Variants in FBXO38 observed in about 807,000 individuals in gnomAD.
FBXO38 encodes F-box protein 38.
FBXO38 carries 53 observed loss-of-function variants against 131.9 expected under a neutral mutation model. The observed-to-expected ratio is 0.40, with a 90% confidence interval of 0.32 to 0.51. The LOEUF is 0.51. FBXO38 is among the 20% of genes least tolerant of loss of function. The pLI is 0.53. For synonymous variants in FBXO38, 452 were observed against 505.6 expected, an observed-to-expected ratio of 0.89 and a Z score of 1.42; for missense variants, 1,076 against 1,475.6, an observed-to-expected ratio of 0.73 and a Z score of 4.44.
intron 21 of FBXO38, 127 bp downstream of exon 21, chr5:148,441,364 A>G: frequency 2.9e-6 from 2 of 695,084 alleles, no homozygotes; most frequent in Non-Finnish European, 4.9e-6. Context: ...AATAATTTGT[A>G]TTTACTCACT....
Position 148,427,718 on chromosome 5 carries a change from G to A in FBXO38, c.2424G>A (p.Pro808=), listed in dbSNP as rs1333921499. ...STSRACVVNG[P]DGTRSAFSFR... ...GCCGAGCCTGTGTTGTGAATGGCCC[G>A]GATGGTACGAGATCCGCCTTTTCCT... Residue 808 remains proline (P), a synonymous_variant, in exon 15 of 22, where the codon CCG becomes CCA. Transcript: ENST00000340253. 6.8e-6 allele frequency: 11 copies of A among 1,614,014 alleles called. No homozygotes were observed. Among genetic ancestry groups the A allele is most frequent in the African/African-American group, 2.7e-5 (2 of 74,924 alleles).
intron 17 of FBXO38, among the ~76,000 whole-genome samples, chr5:148,437,255 A>G (rs1754394341): frequency 6.6e-6 from 1 of 152,252 alleles, no homozygotes; most frequent in South Asian, 2.1e-4. Context: ...AGTTAATGAC[A>G]GCGGAGATGA....
chr5:148,397,705 G>A (rs548781057), intron 2 of FBXO38: 36 of 152,254 alleles, frequency 2.4e-4, no homozygotes, highest in African/African-American at 8.4e-4. Flanking sequence ...TTTAGAATTA[G>A]CAGTGTTGTT....
intron 18 of FBXO38, among the ~76,000 whole-genome samples, chr5:148,439,167 G>A (rs960359112): frequency 6.6e-6 from 1 of 152,142 alleles, no homozygotes; most frequent in African/African-American, 2.4e-5. Flanking sequence ...ATGGCCGAGT[G>A]AGATTTCATA....
chr5:148,418,277 C>T (rs973543394), intron 12 of FBXO38, among the ~76,000 whole-genome samples: 1 of 152,136 alleles, frequency 6.6e-6, no homozygotes, highest in African/African-American at 2.4e-5. Context: ...TTTCTCCTAC[C>T]TCATTTTCCT....
At chr5:148,420,705 T>C (rs1481733401) in intron 12 of FBXO38, among the ~76,000 whole-genome samples, 2 of 152,208 alleles carry the variant, frequency 1.3e-5, no homozygotes, top group Non-Finnish European at 2.9e-5. Flanking sequence ...GCAGCTTTAT[T>C]TATGGCAGTG....
At chr5:148,413,342 GT>G (rs5872079) in intron 9 of FBXO38, 9 of 149,128 alleles carry the variant, frequency 6.0e-5, no homozygotes, top group African/African-American at 1.5e-4. Context: ...GAGTGGCAGT[GT>G]TTTTTTTTTG....
At position 148,424,025 on chromosome 5, in the gene FBXO38, A is replaced by G. The variant is rs1212434953; in HGVS notation, c.1646A>G (p.Gln549Arg). The change falls in exon 13 of 22, where the codon CAA becomes CGA. Residue 549 changes from glutamine to arginine, a missense_variant. By Grantham distance (43) the Gln-to-Arg change is conservative. This residue lies in a region of FBXO38 where 212 missense variants were observed against 221.2 expected (regional missense o/e 0.96). Transcript: ENST00000340253. ...TTAAATGAGATGGAAGACATCGTCC[A>G]AGAAGATGGAGAGGTGGTGGCCGAG... ...DALNEMEDIV[Q>R]EDGEVVAESG... 6.2e-7 allele frequency: 1 copy of G among 1,613,414 alleles called. No individual in the cohort carries two copies. The highest frequency in any genetic ancestry group is 8.5e-7 in the Non-Finnish European group (1 of 1,179,604).
chr5:148,404,767 A>G lies in FBXO38; in HGVS notation c.675A>G (p.Pro225=). ...MKWVRLTKPQ[P]FKDFLCISLR... ...GGGTAAGACTCACTAAACCACAGCC[A>G]TTTAAAGACTTCCTTTGTATCAGCT... Residue 225 remains proline (P), a synonymous_variant, in exon 6 of 22, where the codon CCA becomes CCG. Transcript: ENST00000340253. The G allele has an allele frequency of 1.9e-6, 3 of 1,608,508 alleles. No individual in the cohort carries two copies. In the East Asian group the frequency reaches 6.8e-5, roughly 36 times the overall value.
At chr5:148,395,470 C>A (rs1257013971) in intron 2 of FBXO38, among the ~76,000 whole-genome samples, 1 of 107,192 alleles carries the variant, frequency 9.3e-6, no homozygotes, top group Non-Finnish European at 1.7e-5. Context: ...ATTATAACAA[C>A]TGTTTTTTTT....
At chr5:148,417,274 C>T (rs933427923) in intron 12 of FBXO38, 70 bp downstream of exon 12, 5 of 1,127,886 alleles carry the variant, frequency 4.4e-6, no homozygotes, top group Non-Finnish European at 5.3e-6. Flanking sequence ...TGGCTTTATC[C>T]TGTTCCCTTT....
rs1014626159 is a variant in FBXO38, at chr5:148,426,060, A to G, written c.1918+359A>G. Among the ~76,000 whole-genome samples the G allele has an allele frequency of 9.2e-5, 14 of 152,296 alleles. No individual in the cohort carries two copies. In the East Asian group the frequency reaches 2.1e-3, roughly 23 times the overall value. ...AAAAGCAACCATTCCCCAGTTGATA[A>G]TCTGTCCAGTTGTGCTTAATGAATA... On this transcript the variant is annotated intron_variant, in intron 14 of 21. Transcript: ENST00000340253.
chr5:148,406,688 GA>G (rs1161647808), intron 7 of FBXO38, among the ~76,000 whole-genome samples: 1 of 152,044 alleles, frequency 6.6e-6, no homozygotes, highest in Non-Finnish European at 1.5e-5. Context: ...ATCTTTCTTA[GA>G]AATGTTAACA....
chr5:148,419,072 C>G (rs1753244383), intron 12 of FBXO38, among the ~76,000 whole-genome samples: 1 of 152,126 alleles, frequency 6.6e-6, no homozygotes, highest in East Asian at 1.9e-4. Flanking sequence ...CAGCAGTTAC[C>G]TAGGACTGTT....
At chr5:148,392,072 A>G (rs1291223307) in intron 1 of FBXO38, among the ~76,000 whole-genome samples, 1 of 152,200 alleles carries the variant, frequency 6.6e-6, no homozygotes, top group Non-Finnish European at 1.5e-5. Flanking sequence ...AACTGGCTTC[A>G]GTATAGAGTA....
rs201515515 is a variant in FBXO38 at position 148,427,746 on chromosome 5, A to G, written c.2452A>G (p.Arg818Gly). The G allele has an allele frequency of 7.4e-6, 12 of 1,613,438 alleles. No individual in the cohort carries two copies. The Admixed American group carries it at 1.8e-4, about 25-fold the overall frequency. ...TGGTACGAGATCCGCCTTTTCCTTT[A>G]GGACTCTGCCACAAGGGGGGTCTTC... ...PDGTRSAFSF[R>G]TLPQGGSSGP... Residue 818 changes from arginine (R) to glycine (G), a missense_variant, in exon 15 of 22, where the codon AGG (arginine) becomes GGG (glycine). By Grantham distance (125) the Arg-to-Gly change is moderately radical. Around this residue, in one of 8 missense-constraint regions of FBXO38, gnomAD observed 213 missense variants for 225.2 expected, o/e 0.95. Coordinates refer to ENST00000340253, the MANE Select transcript of FBXO38 (RefSeq NM_205836.3).
At chr5:148,424,618 T>C (rs1380016705) in intron 13 of FBXO38, among the ~76,000 whole-genome samples, 1 of 152,154 alleles carries the variant, frequency 6.6e-6, no homozygotes, top group Non-Finnish European at 1.5e-5. Flanking sequence ...GGGAAATTAA[T>C]TTTCTTTCAA....
In FBXO38 at chr5:148,394,701, GTT is replaced by G; in HGVS notation, c.-63-11_-63-10del. Reference sequence around the variant, plus strand: ...GTGTTTTTTTAGTCTACTTCGTTCTGTTTGCTTTTCAGGTACTTTGAACTCAA... The same window carrying G: ...GTGTTTTTTTAGTCTACTTCGTTCTGTGCTTTTCAGGTACTTTGAACTCAA... On this transcript the variant is annotated splice_polypyrimidine_tract_variant and intron_variant, in intron 1 of 21. Transcript: ENST00000340253. 7.2e-7 allele frequency: 1 copy of G among 1,390,602 alleles called. No individual in the cohort carries two copies. The highest frequency in any genetic ancestry group is 1.5e-5 in the African/African-American group (1 of 67,108). The allele number at this position is 1,390,602 out of a possible 1,614,324, so 86.1% of individuals were successfully genotyped here.
intron 15 of FBXO38, among the ~76,000 whole-genome samples, chr5:148,432,213 A>G (rs1056738921): frequency 2.0e-5 from 3 of 152,362 alleles, no homozygotes; most frequent in East Asian, 1.9e-4. Context: ...ATGCTCTGCT[A>G]CAATATGATT....
Sources: allele counts gnomAD v4.1 joint callset (sites outside exome capture counted in the v4.1 genomes callset), GRCh38; gene constraint gnomAD v4.1.1; regional missense constraint gnomAD v4.1.1; transcripts MANE v1.5; gene names NCBI Gene and HGNC (gene_info 2026-07-23, HGNC 2026-07-21).